ZNF236: variants seen among roughly 807,000 people sequenced by gnomAD.
The protein encoded by ZNF236 is regulated by glucose.
A neutral mutation model predicts 191.2 loss-of-function variants in ZNF236; 50 were observed. That is an observed-to-expected ratio of 0.26 (90% CI 0.21 to 0.33). The LOEUF (loss-of-function observed/expected upper bound fraction) is 0.33, where lower values mean the gene tolerates loss of function less well. Among genes scored for constraint, ZNF236 ranks in the 10% least tolerant of loss-of-function variants. The pLI is 1.00. For synonymous variants in ZNF236, 907 were observed against 928.8 expected (o/e 0.98, Z 0.43); for missense variants, 1,754 against 2,374.5 (o/e 0.74, Z 5.43).
chr18:76,935,027 GA>G (rs1164723121), intron 25 of ZNF236, among the ~76,000 whole-genome samples: 1 of 152,180 alleles, frequency 6.6e-6, no homozygotes, highest in Non-Finnish European at 1.5e-5. Context: ...AGTGGTTTCA[GA>G]AAAATAAGTG....
intron 9 of ZNF236, among the ~76,000 whole-genome samples, chr18:76,887,742 A>G (rs1176822613): frequency 2.0e-5 from 3 of 152,184 alleles, no homozygotes; most frequent in East Asian, 1.9e-4. Context: ...TGCCCTTTAT[A>G]AAACCATTAG....
chr18:76,966,272 C>T (rs148723850), intron 30 of ZNF236, among the ~76,000 whole-genome samples: 80 of 152,150 alleles, frequency 5.3e-4, no homozygotes, highest in African/African-American at 1.9e-3. Context: ...GAAGCCTGTG[C>T]TTTTGTTACT....
At chr18:76,871,023 G>C (rs555042233) in intron 4 of ZNF236, among the ~76,000 whole-genome samples, 1 of 152,332 alleles carries the variant, frequency 6.6e-6, no homozygotes, top group African/African-American at 2.4e-5. Context: ...AACCCGTTCT[G>C]AGGCCGCAAT....
Position 76,926,856 on chromosome 18 carries a change from G to A in ZNF236, c.4028-181G>A, listed in dbSNP as rs867634041. Among the ~76,000 whole-genome samples, 650 of 148,674 alleles carry A rather than the reference G, an allele frequency of 4.4e-3. 16 individuals carry two copies. Among genetic ancestry groups the A allele is most frequent in the African/African-American group, 0.016 (633 of 39,514 alleles). On this transcript the variant is annotated intron_variant, in intron 22 of 30. Coordinates refer to ENST00000320610, the MANE Select transcript of ZNF236 (RefSeq NM_001306089.2). ...ACAGTGTGTGTATATGGTATAAAGG[G>A]TGATTAAACAGCATATATGTGTATA...
chr18:76,898,128 C>G (rs1363301371), intron 10 of ZNF236: 1 of 152,132 alleles, frequency 6.6e-6, no homozygotes, highest in Admixed American at 6.6e-5. Context: ...GACCTGAAGG[C>G]TTTAGCTGGG....
At chr18:76,952,046 T>A (rs942089999) in intron 27 of ZNF236, among the ~76,000 whole-genome samples, 1 of 152,186 alleles carries the variant, frequency 6.6e-6, no homozygotes, top group African/African-American at 2.4e-5. Flanking sequence ...AGATCGCTAA[T>A]CACAGATCAC....
At chr18:76,920,808 G>A (rs572295227) in intron 20 of ZNF236, among the ~76,000 whole-genome samples, 24 of 152,104 alleles carry the variant, frequency 1.6e-4, no homozygotes, top group Non-Finnish European at 2.1e-4. Flanking sequence ...ACATGAGATC[G>A]AGTTGAGCAG....
chr18:76,879,972 T>G, intron 7 of ZNF236, 141 bp from the exon 8 acceptor site: 1 of 729,934 alleles, frequency 1.4e-6, no homozygotes, highest in East Asian at 2.7e-5. Flanking sequence ...CAGTGAGGCA[T>G]TATATTTAAA....
chr18:76,902,149 A>G (rs1023903974), intron 11 of ZNF236, among the ~76,000 whole-genome samples: 3 of 152,218 alleles, frequency 2.0e-5, no homozygotes, highest in African/African-American at 7.2e-5. Context: ...AGGAAGACAC[A>G]TGAGGGAAAT....
At position 76,880,239 on chromosome 18, in the gene ZNF236, C is replaced by A; in HGVS notation, c.1111C>A (p.Pro371Thr). ...QQLLELSEPA[P>T]VESGQSPQPG... Reference sequence around the variant, plus strand: ...GCTCCTGGAGCTCTCAGAGCCGGCGCCGGTGGAGTCGGGGCAGTCCCCGCA... The same window carrying A: ...GCTCCTGGAGCTCTCAGAGCCGGCGACGGTGGAGTCGGGGCAGTCCCCGCA... Residue 371 changes from proline to threonine, a missense_variant, in exon 8 of 31, where the codon CCG (proline) becomes ACG (threonine). Around this residue, in one of 5 missense-constraint regions of ZNF236, gnomAD observed 336 missense variants for 495.1 expected, o/e 0.68. Transcript: ENST00000320610. The surrounding 1 kb of genome is among the most constrained non-coding windows in gnomAD (Gnocchi z 5.0). The A allele has an allele frequency of 6.2e-7, 1 of 1,614,112 alleles. No individual in the cohort carries two copies. The highest frequency in any genetic ancestry group is 8.5e-7 in the Non-Finnish European group (1 of 1,179,986).
chr18:76,926,429 G>C (rs116947255), intron 22 of ZNF236, among the ~76,000 whole-genome samples: 353 of 152,132 alleles, frequency 2.3e-3, no homozygotes, highest in Non-Finnish European at 3.6e-3. Context: ...TTTGTGTATG[G>C]TATAAAGTAG....
chr18:76,854,812 A>G (rs760001234), intron 3 of ZNF236, among the ~76,000 whole-genome samples: 1 of 151,954 alleles, frequency 6.6e-6, no homozygotes, highest in Non-Finnish European at 1.5e-5. Flanking sequence ...ATAGAATGCC[A>G]TATGACATTC....
chr18:76,968,243 G>T lies in ZNF236; in HGVS notation c.5448G>T (p.Pro1816=). 1 of 1,613,270 alleles carries T rather than the reference G, an allele frequency of 6.2e-7. No individual in the cohort carries two copies. The highest frequency in any genetic ancestry group is 8.5e-7 in the Non-Finnish European group (1 of 1,179,794). The change falls in exon 31 of 31, where the codon CCG becomes CCT. Residue 1816 remains proline, a synonymous_variant. Transcript: ENST00000320610. ...CTCTGCAGGAGTCTGCAGGTCACCC[G>T]GAGCAGGACGGGGAGGAGCTGAGCC... The part of the protein sequence containing the change: ...AGALQESAGH[P]EQDGEELSRT...
chr18:76,856,438 C>T (rs1199368971), intron 3 of ZNF236, among the ~76,000 whole-genome samples: 1 of 152,180 alleles, frequency 6.6e-6, no homozygotes, highest in Non-Finnish European at 1.5e-5. Flanking sequence ...CCGCCTTGGC[C>T]TCCCAAAGTG....
At chr18:76,909,160 C>T (rs971925336) in intron 14 of ZNF236, among the ~76,000 whole-genome samples, 10 of 151,598 alleles carry the variant, frequency 6.6e-5, no homozygotes, top group East Asian at 1.9e-4. Flanking sequence ...ACTAAAAATA[C>T]GAAACTTAGC....
At chr18:76,939,054 G>A (rs990219149) in intron 26 of ZNF236, among the ~76,000 whole-genome samples, 3 of 152,064 alleles carry the variant, frequency 2.0e-5, no homozygotes, top group Admixed American at 6.6e-5. Flanking sequence ...AAAAGTAACC[G>A]ACTGGCTGGG....
In ZNF236 at chr18:76,960,673, G is replaced by A. The variant is rs1210108576; in HGVS notation, c.5243-6G>A. On this transcript the variant is annotated splice_region_variant and splice_polypyrimidine_tract_variant and intron_variant, in intron 29 of 30. Transcript: ENST00000320610. The surrounding 1 kb of genome is among the most constrained non-coding windows in gnomAD (Gnocchi z 4.4). Reference sequence around the variant, plus strand: ...GAGACATTGACATATGCCATTTTCTGTACAGGGGAGCGGCCGTTCCATTGC... The same window carrying A: ...GAGACATTGACATATGCCATTTTCTATACAGGGGAGCGGCCGTTCCATTGC... 4 of 1,614,186 alleles carry A rather than the reference G, an allele frequency of 2.5e-6. No individual in the cohort carries two copies. The South Asian group carries it at 3.3e-5, about 13-fold the overall frequency.
chr18:76,918,271 G>C (rs115566272), intron 19 of ZNF236, among the ~76,000 whole-genome samples: 2 of 152,044 alleles, frequency 1.3e-5, no homozygotes, highest in Admixed American at 6.5e-5. Flanking sequence ...GCTGAGGATT[G>C]GTTCCTGGAC....
intron 10 of ZNF236, 142 bp from the exon 11 acceptor site, chr18:76,898,877 A>G (rs1213575729): frequency 5.6e-6 from 4 of 708,552 alleles, no homozygotes; most frequent in Non-Finnish European, 9.3e-6. Flanking sequence ...AAAATAATTT[A>G]CAATATCCAT....
Sources: gnomAD v4.1 joint callset for allele counts (sites outside exome capture counted in the v4.1 genomes callset) on GRCh38, gnomAD v4.1.1 for gene constraint, gnomAD v4.1.1 regional missense constraint, Gnocchi (gnomAD v3.1) non-coding constraint, MANE v1.5 for transcripts, NCBI Gene and HGNC (gene_info 2026-07-23, HGNC 2026-07-21) for gene names.